Variants in INO80 observed in about 807,000 individuals in gnomAD.
INO80 encodes the protein INO80 complex ATPase subunit.
Under a neutral mutation model 203.4 loss-of-function variants are expected in INO80, and 20 were observed. That is an observed-to-expected ratio of 0.10 (90% CI 0.07 to 0.14). The LOEUF is 0.14. Ranked by LOEUF, INO80 falls within the 10% of genes least tolerant of loss-of-function variation. The pLI, the probability that INO80 is intolerant of heterozygous loss-of-function variation, is 1.00. For synonymous variants in INO80, 726 were observed against 685.2 expected, an observed-to-expected ratio of 1.06 and a Z score of -0.93; for missense variants, 1,419 against 1,914.4, an observed-to-expected ratio of 0.74 and a Z score of 4.83.
chr15:41,113,254 T>C (rs371942119), intron 1 of INO80, among the ~76,000 whole-genome samples: 2 of 151,446 alleles, frequency 1.3e-5, no homozygotes, highest in East Asian at 3.9e-4. Context: ...TAAAATCCCC[T>C]AGCCAGTTTT....
At chr15:41,106,165 C>T (rs1596331271) in intron 1 of INO80, among the ~76,000 whole-genome samples, 1 of 152,152 alleles carries the variant, frequency 6.6e-6, no homozygotes, top group African/African-American at 2.4e-5. Flanking sequence ...AAGCTAATCA[C>T]TTGAGCTCTG....
Position 41,085,465 on chromosome 15 carries a change from A to G in INO80, c.777T>C (p.Pro259=). The change falls in exon 7 of 36, where the codon CCT becomes CCC. Residue 259 remains proline (P), a synonymous_variant. Transcript: ENST00000648947. ...KVFAKFSHDA[P]PPGTKKKHLS... is the part of the protein sequence containing the mutation. ...AGTGCTTTTTCTTAGTGCCAGGGGG[A>G]GGTGCATCGTGAGAAAACTTGGCAA... The G allele has an allele frequency of 6.2e-7, 1 of 1,614,012 alleles. No individual in the cohort carries two copies. Among genetic ancestry groups the G allele is most frequent in the South Asian group, 1.1e-5 (1 of 91,074 alleles).
intron 1 of INO80, among the ~76,000 whole-genome samples, chr15:41,099,842 CAGA>C (rs1288201281): frequency 2.6e-5 from 4 of 151,922 alleles, no homozygotes; most frequent in Non-Finnish European, 5.9e-5. Context: ...CCACCCACTC[CAGA>C]AGATTTCAAA....
chr15:41,044,922 G>C lies in INO80; in HGVS notation c.2889C>G (p.Cys963Trp). ...TGCTTACCTTTAACAAAGGGCAGCTGCAAAGGTTTGGAAAGGAGAGTGGAA... is the reference window on the plus strand; with the variant it reads ...TGCTTACCTTTAACAAAGGGCAGCTCCAAAGGTTTGGAAAGGAGAGTGGAA... ...VNFPLSFPNL[C>W]SCPLLKSLVF... Residue 963 changes from cysteine (C) to tryptophan (W), a missense_variant, in exon 24 of 36, where the codon TGC (cysteine) becomes TGG (tryptophan). Cys to Trp is a radical substitution (Grantham distance 215). Around this residue, in one of 9 missense-constraint regions of INO80, gnomAD observed 302 missense variants for 345.4 expected, o/e 0.87. Coordinates refer to ENST00000648947, the MANE Select transcript of INO80 (RefSeq NM_017553.3). 1.2e-6 allele frequency: 2 copies of C among 1,609,532 alleles called. No individual in the cohort carries two copies. Among genetic ancestry groups the C allele is most frequent in the Non-Finnish European group, 1.7e-6 (2 of 1,178,814 alleles).
Position 41,092,141 on chromosome 15 carries a change from C to A in INO80, c.423G>T (p.Gln141His). 1 of 1,610,078 alleles carries A rather than the reference C, an allele frequency of 6.2e-7. No individual in the cohort carries two copies. ...LSDESSEADS[Q>H]SEDDDEEELN... The stretch of plus-strand genomic sequence containing the variant: ...GTTCTTCTTCATCATCGTCTTCACT[C>A]TGAGAATCAGCCTCGCTGGATTCAT... The change falls in exon 5 of 36, where the codon CAG becomes CAT. Residue 141 changes from glutamine (Q) to histidine (H), a missense_variant. Coordinates refer to ENST00000648947, the MANE Select transcript of INO80 (RefSeq NM_017553.3).
At chr15:40,986,845 T>C (rs1353144898) in intron 31 of INO80, among the ~76,000 whole-genome samples, 1 of 152,192 alleles carries the variant, frequency 6.6e-6, no homozygotes, top group African/African-American at 2.4e-5. Flanking sequence ...CAGGCTGGTC[T>C]CAAACTCAAA....
In INO80 at chr15:40,979,026, C is replaced by T. The variant is rs949657032; in HGVS notation, c.*1197G>A. ...GAAAAGGCTTGGCATTTTTCTGATTCCCTCTAAATAGCATCTGTACACAGG... is the reference window on the plus strand; with the variant it reads ...GAAAAGGCTTGGCATTTTTCTGATTTCCTCTAAATAGCATCTGTACACAGG... On this transcript the variant is annotated 3_prime_UTR_variant, in exon 36 of 36. Coordinates refer to ENST00000648947, the MANE Select transcript of INO80 (RefSeq NM_017553.3). 6.6e-6 allele frequency: 1 copy of T among 152,658 alleles called. No homozygotes were observed. The allele number at this position is 152,658 out of a possible 1,614,324, so 9.5% of individuals were successfully genotyped here. A position where few individuals can be genotyped will look rare whatever the true frequency, so the allele number is the denominator to read the frequency against.
chr15:41,062,703 C>T (rs1239403055), intron 14 of INO80, among the ~76,000 whole-genome samples: 1 of 152,074 alleles, frequency 6.6e-6, no homozygotes, highest in Admixed American at 6.5e-5. Context: ...TGAATTAATG[C>T]CATTATCACA....
At chr15:40,995,162 T>G (rs2043865640) in intron 29 of INO80, among the ~76,000 whole-genome samples, 1 of 152,216 alleles carries the variant, frequency 6.6e-6, no homozygotes, top group Non-Finnish European at 1.5e-5. Context: ...AGCCTAGAAA[T>G]GCAGACTTTT....
At chr15:40,984,450 A>C in intron 32 of INO80, 98 bp from the exon 33 acceptor site, 1 of 1,156,722 alleles carries the variant, frequency 8.6e-7, no homozygotes, top group Non-Finnish European at 1.2e-6. Context: ...TTTATTCTTT[A>C]GTTTATAAAC....
chr15:41,027,193 G>A (rs539004739), intron 25 of INO80, among the ~76,000 whole-genome samples: 26 of 152,074 alleles, frequency 1.7e-4, no homozygotes, highest in Admixed American at 1.4e-3. Flanking sequence ...TGATATGACC[G>A]GATCAAATCT....
chr15:40,998,982 C>CTACA (rs2043919750), intron 28 of INO80, among the ~76,000 whole-genome samples: 1 of 58,696 alleles, frequency 1.7e-5, no homozygotes, highest in Non-Finnish European at 3.4e-5. Flanking sequence ...TAAGATTTAT[C>CTACA]TACACACACA....
At chr15:41,113,496 G>A (rs184053853) in intron 1 of INO80, among the ~76,000 whole-genome samples, 82 of 152,178 alleles carry the variant, frequency 5.4e-4, no homozygotes, top group African/African-American at 1.5e-3. Context: ...TCGAACTCCT[G>A]ACCTCAGGTG....
intron 26 of INO80, chr15:41,016,984 CT>C (rs1304319467): frequency 6.6e-6 from 1 of 152,130 alleles, no homozygotes; most frequent in Non-Finnish European, 1.5e-5. Flanking sequence ...CCCAGCCCCC[CT>C]ACCCTTTTTT....
chr15:41,083,405 T>C (rs1305040443), intron 7 of INO80, among the ~76,000 whole-genome samples: 1 of 151,772 alleles, frequency 6.6e-6, no homozygotes, highest in Non-Finnish European at 1.5e-5. Context: ...AAAGGTAATA[T>C]CCTCAAAACA....
intron 7 of INO80, among the ~76,000 whole-genome samples, chr15:41,083,819 T>C (rs1440911565): frequency 1.3e-5 from 2 of 152,176 alleles, no homozygotes; most frequent in South Asian, 2.1e-4. Flanking sequence ...TCTAGTTTTA[T>C]CTAAATTGCT....
intron 24 of INO80, among the ~76,000 whole-genome samples, chr15:41,039,785 T>A (rs2044640261): frequency 6.6e-6 from 1 of 152,216 alleles, no homozygotes; most frequent in African/African-American, 2.4e-5. Context: ...AACACAGGAA[T>A]ATCTTCTGTA....
At chr15:41,103,279 T>C (rs2045835257) in intron 1 of INO80, among the ~76,000 whole-genome samples, 2 of 152,214 alleles carry the variant, frequency 1.3e-5, no homozygotes, top group South Asian at 4.1e-4. Context: ...TTTAGCTTCT[T>C]AGCCTCACAC....
intron 18 of INO80, among the ~76,000 whole-genome samples, chr15:41,054,695 A>G (rs1489350849): frequency 2.6e-5 from 4 of 152,082 alleles, no homozygotes; most frequent in African/African-American, 9.7e-5. Context: ...CTGGAGTGCA[A>G]TGATGCAATC....
Sources: allele counts gnomAD v4.1 joint callset (sites outside exome capture counted in the v4.1 genomes callset), GRCh38; gene constraint gnomAD v4.1.1; regional missense constraint gnomAD v4.1.1; transcripts MANE v1.5; gene names NCBI Gene and HGNC (gene_info 2026-07-23, HGNC 2026-07-21).